Variants in HCN1 observed in about 807,000 individuals in gnomAD.
The protein encoded by HCN1 is potassium/sodium hyperpolarization-activated cyclic nucleotide-gated channel 1.
HCN1 carries 13 observed loss-of-function variants against 78.9 expected under a neutral mutation model. The observed-to-expected ratio is 0.16, with a 90% confidence interval of 0.11 to 0.26. HCN1 has a LOEUF of 0.26. HCN1 is among the 10% of genes least tolerant of loss of function. The pLI, the probability that HCN1 is intolerant of heterozygous loss-of-function variation, is 1.00. For missense variants in HCN1, 810 were observed against 1,154.3 expected, an observed-to-expected ratio of 0.70 and a Z score of 4.32; for synonymous variants, 552 against 455.5, an observed-to-expected ratio of 1.21 and a Z score of -2.70.
At chr5:45,350,189 C>T (rs1204881630) in intron 5 of HCN1, among the ~76,000 whole-genome samples, 1 of 152,148 alleles carries the variant, frequency 6.6e-6, no homozygotes, top group Non-Finnish European at 1.5e-5. Context: ...ATCAAGTGGG[C>T]TTCATCCCTG....
chr5:45,613,313 G>A (rs568748692), intron 2 of HCN1, among the ~76,000 whole-genome samples: 20 of 152,016 alleles, frequency 1.3e-4, no homozygotes, highest in African/African-American at 4.8e-4. Flanking sequence ...TTTCATCCAT[G>A]TCCCTACAAA....
At chr5:45,279,632 T>A (rs942122580) in intron 6 of HCN1, among the ~76,000 whole-genome samples, 3 of 152,062 alleles carry the variant, frequency 2.0e-5, no homozygotes, top group Non-Finnish European at 4.4e-5. Context: ...AATACCATAA[T>A]AAAATCTCAT....
At chr5:45,465,746 C>T (rs1354088987) in intron 2 of HCN1, among the ~76,000 whole-genome samples, 2 of 151,878 alleles carry the variant, frequency 1.3e-5, no homozygotes, top group African/African-American at 2.4e-5. Context: ...CAAAGTGAGA[C>T]TTTGATGTGA....
chr5:45,482,605 GT>G, intron 2 of HCN1, among the ~76,000 whole-genome samples: 2 of 152,144 alleles, frequency 1.3e-5, no homozygotes, highest in East Asian at 1.9e-4. Context: ...AAGCTGTATT[GT>G]TTTTTTAAAT....
intron 5 of HCN1, among the ~76,000 whole-genome samples, chr5:45,350,962 A>C (rs542234335): frequency 6.6e-6 from 1 of 152,330 alleles, no homozygotes; most frequent in Admixed American, 6.5e-5. Context: ...AAGGTAATTT[A>C]TAGATTCAAT....
intron 2 of HCN1, among the ~76,000 whole-genome samples, chr5:45,506,997 TTAA>T (rs1243553079): frequency 6.6e-6 from 1 of 152,086 alleles, no homozygotes; most frequent in Non-Finnish European, 1.5e-5. Context: ...TTGTATACTG[TTAA>T]TAATAAGAAT....
chr5:45,366,164 TTGTG>T (rs10642474), intron 4 of HCN1, among the ~76,000 whole-genome samples: 2,919 of 146,952 alleles, frequency 0.02, 79 homozygotes, highest in African/African-American at 0.06. Flanking sequence ...ATTATAGCAT[TTGTG>T]TGTGTGTGTG....
intron 2 of HCN1, among the ~76,000 whole-genome samples, chr5:45,477,906 A>C (rs13168326): frequency 0.25 from 38,538 of 152,106 alleles, 5,066 homozygotes; most frequent in East Asian, 0.32. Context: ...TTAACTTGGA[A>C]TATATTATTC....
chr5:45,553,092 A>T (rs548597543), intron 2 of HCN1, among the ~76,000 whole-genome samples: 8 of 152,038 alleles, frequency 5.3e-5, no homozygotes, highest in African/African-American at 1.9e-4. Flanking sequence ...TAAAGAAGTC[A>T]CATCCTCTGC....
At chr5:45,658,595 G>A (rs1368281604) in intron 1 of HCN1, among the ~76,000 whole-genome samples, 49 of 151,878 alleles carry the variant, frequency 3.2e-4, no homozygotes, top group African/African-American at 7.2e-4. Flanking sequence ...CAGTGTGTGC[G>A]CGCACCGTGC....
At chr5:45,581,255 T>C (rs571178739) in intron 2 of HCN1, among the ~76,000 whole-genome samples, 1 of 152,222 alleles carries the variant, frequency 6.6e-6, no homozygotes, top group South Asian at 2.1e-4. Context: ...TGGTATCTCA[T>C]TGTGGTTTTG....
intron 1 of HCN1, among the ~76,000 whole-genome samples, chr5:45,659,363 A>G (rs1429662677): frequency 8.7e-6 from 1 of 114,416 alleles, no homozygotes; most frequent in Non-Finnish European, 1.8e-5. Flanking sequence ...AAAAAACAGA[A>G]CAGAAAAACT....
intron 5 of HCN1, among the ~76,000 whole-genome samples, chr5:45,321,898 G>A (rs1490837906): frequency 6.6e-6 from 1 of 151,732 alleles, no homozygotes; most frequent in Admixed American, 6.6e-5. Context: ...TGTTTATTTT[G>A]CATACAAAAA....
At chr5:45,372,700 TACGTATTTATATATA>T (rs1747436347) in intron 4 of HCN1, among the ~76,000 whole-genome samples, 1 of 142,512 alleles carries the variant, frequency 7.0e-6, no homozygotes, top group African/African-American at 2.5e-5. Context: ...TAAAAATATA[TACGTATTTATATATA>T]AAAATATATA....
chr5:45,503,939 C>G (rs1742240873), intron 2 of HCN1, among the ~76,000 whole-genome samples: 1 of 151,998 alleles, frequency 6.6e-6, no homozygotes, highest in Admixed American at 6.6e-5. Flanking sequence ...GTGTGCACCA[C>G]CACACCCAGC....
chr5:45,315,101 C>G (rs1205222906), intron 5 of HCN1, among the ~76,000 whole-genome samples: 2 of 152,202 alleles, frequency 1.3e-5, no homozygotes, highest in African/African-American at 4.8e-5. Context: ...CCCAAATCAA[C>G]AGAATATACA....
At chr5:45,452,477 A>T (rs917215189) in intron 3 of HCN1, among the ~76,000 whole-genome samples, 3 of 151,812 alleles carry the variant, frequency 2.0e-5, no homozygotes, top group Non-Finnish European at 4.4e-5. Context: ...TAAAAACAGC[A>T]AACACTTCTA....
intron 2 of HCN1, among the ~76,000 whole-genome samples, chr5:45,639,116 C>T (rs1397890185): frequency 6.6e-6 from 1 of 151,850 alleles, no homozygotes; most frequent in Non-Finnish European, 1.5e-5. Flanking sequence ...CCATAGTCAT[C>T]TTTTTCTTTT....
intron 2 of HCN1, among the ~76,000 whole-genome samples, chr5:45,601,123 G>A (rs1003509461): frequency 6.6e-6 from 1 of 152,102 alleles, no homozygotes; most frequent in Non-Finnish European, 1.5e-5. Context: ...GCAAATTAGA[G>A]GACAGGTGAA....
Sources: allele counts gnomAD v4.1 joint callset (sites outside exome capture counted in the v4.1 genomes callset), GRCh38; gene constraint gnomAD v4.1.1; transcripts MANE v1.5; gene names NCBI Gene and HGNC (gene_info 2026-07-23, HGNC 2026-07-21).